Variants in RGS6 observed in about 807,000 individuals in gnomAD.
The protein encoded by RGS6 is regulator of G-protein signaling 6.
RGS6 carries 30 observed loss-of-function variants against 78.5 expected under a neutral mutation model. The ratio of observed to expected loss-of-function variants is 0.38; its 90% CI spans 0.29 to 0.52. The LOEUF is 0.52. Ranked by LOEUF, RGS6 falls within the 20% of genes least tolerant of loss-of-function variation. RGS6 has a pLI of 0.85. For synonymous variants in RGS6, 206 were observed against 206.0 expected (o/e 1.00, Z 0.00); for missense variants, 495 against 609.7 (o/e 0.81, Z 1.98).
chr14:72,341,863 T>C (rs931932953), intron 2 of RGS6, among the ~76,000 whole-genome samples: 8 of 152,110 alleles, frequency 5.3e-5, no homozygotes, highest in Non-Finnish European at 1.2e-4. Flanking sequence ...TGAGTGATCC[T>C]AGAGTCCAGG....
chr14:72,368,566 C>T (rs1221302933), intron 3 of RGS6, among the ~76,000 whole-genome samples: 1 of 152,174 alleles, frequency 6.6e-6, no homozygotes, highest in Admixed American at 6.5e-5. Flanking sequence ...CTTTGGACAA[C>T]TTTGACCTTT....
chr14:72,441,256 C>G (rs537785598), intron 3 of RGS6, among the ~76,000 whole-genome samples: 13 of 152,226 alleles, frequency 8.5e-5, no homozygotes, highest in Admixed American at 5.9e-4. Flanking sequence ...GACCTAGCCT[C>G]CCTCCCTTCA....
At chr14:72,100,229 G>A (rs2095499592) in intron 2 of RGS6, among the ~76,000 whole-genome samples, 2 of 152,170 alleles carry the variant, frequency 1.3e-5, no homozygotes, top group South Asian at 4.1e-4. Flanking sequence ...AAGGGGCTGG[G>A]TGTGGTGGCT....
chr14:72,472,759 A>G (rs1370692921), intron 8 of RGS6, 113 bp from the exon 9 acceptor site: 1 of 722,680 alleles, frequency 1.4e-6, no homozygotes, highest in African/African-American at 1.8e-5. Flanking sequence ...TGCAGGTACC[A>G]ATGGCCTTGT....
At chr14:72,088,173 C>A (rs1038296452) in intron 2 of RGS6, among the ~76,000 whole-genome samples, 1 of 152,186 alleles carries the variant, frequency 6.6e-6, no homozygotes, top group Non-Finnish European at 1.5e-5. Context: ...ACCTGAGCTA[C>A]CTTTGGGGGT....
chr14:72,556,794 C>T (rs1470224928), intron 17 of RGS6, among the ~76,000 whole-genome samples: 1 of 151,992 alleles, frequency 6.6e-6, no homozygotes, highest in Middle Eastern at 3.2e-3. Context: ...ATGAATGTAC[C>T]ATTTATTAAT....
intron 1 of RGS6, among the ~76,000 whole-genome samples, chr14:71,951,336 C>T (rs982507422): frequency 6.6e-6 from 1 of 151,990 alleles, no homozygotes; most frequent in Non-Finnish European, 1.5e-5. Flanking sequence ...TGTTCTCACT[C>T]ATAAGTGGGA....
At chr14:72,324,821 T>A (rs78717064) in intron 2 of RGS6, among the ~76,000 whole-genome samples, 8,288 of 152,170 alleles carry the variant, frequency 0.054, 360 homozygotes, top group East Asian at 0.27. Context: ...AACATACGTG[T>A]GCATGTGTCT....
chr14:72,062,648 G>A (rs528699855), intron 2 of RGS6, among the ~76,000 whole-genome samples: 1 of 152,248 alleles, frequency 6.6e-6, no homozygotes, highest in East Asian at 1.9e-4. Context: ...ATTGACTGAT[G>A]ATGCTATTTT....
chr14:72,396,246 G>T (rs2091233837), intron 3 of RGS6, among the ~76,000 whole-genome samples: 2 of 152,156 alleles, frequency 1.3e-5, no homozygotes, highest in Admixed American at 6.5e-5. Flanking sequence ...GAGATGGATG[G>T]TATCTCATTG....
the RGS6 span, among the ~76,000 whole-genome samples, chr14:71,893,757 G>C: frequency 3.3e-5 from 5 of 152,104 alleles, no homozygotes; most frequent in African/African-American, 1.2e-4. Context: ...TTGGGGTGGT[G>C]TTTTAGCTTT....
intron 2 of RGS6, among the ~76,000 whole-genome samples, chr14:72,015,551 A>G (rs1389234364): frequency 6.6e-6 from 1 of 152,254 alleles, no homozygotes; most frequent in East Asian, 1.9e-4. Context: ...AAATAGTGAT[A>G]CAGTAGTAAC....
At chr14:72,378,547 T>C (rs565972949) in intron 3 of RGS6, among the ~76,000 whole-genome samples, 1 of 151,848 alleles carries the variant, frequency 6.6e-6, no homozygotes, top group Non-Finnish European at 1.5e-5. Context: ...CAAAGGATCG[T>C]TAGAGACTAT....
chr14:72,390,767 A>C (rs977753187), intron 3 of RGS6, among the ~76,000 whole-genome samples: 1 of 152,224 alleles, frequency 6.6e-6, no homozygotes. Flanking sequence ...CACTCGTTTT[A>C]CAAGCAAAGA....
chr14:72,044,149 A>G (rs1258821064), intron 2 of RGS6, among the ~76,000 whole-genome samples: 1 of 152,150 alleles, frequency 6.6e-6, no homozygotes, highest in Admixed American at 6.5e-5. Context: ...CAATTCCTTT[A>G]GATTCTCTCT....
chr14:72,213,508 G>C (rs2153772454), intron 2 of RGS6, among the ~76,000 whole-genome samples: 1 of 152,202 alleles, frequency 6.6e-6, no homozygotes, highest in Non-Finnish European at 1.5e-5. Flanking sequence ...AATTTGATTT[G>C]ACCGCTGTAG....
chr14:72,117,430 C>T (rs1014771095), intron 2 of RGS6, among the ~76,000 whole-genome samples: 1 of 151,710 alleles, frequency 6.6e-6, no homozygotes, highest in Non-Finnish European at 1.5e-5. Flanking sequence ...TGCATTGGCT[C>T]CCCCCCACCC....
chr14:72,271,243 G>A (rs1323833224), intron 2 of RGS6, among the ~76,000 whole-genome samples: 3 of 152,194 alleles, frequency 2.0e-5, no homozygotes, highest in African/African-American at 7.2e-5. Context: ...AGTTCCACAT[G>A]GCTGGGGAGG....
At chr14:72,554,393 A>T (rs1052147738) in intron 17 of RGS6, among the ~76,000 whole-genome samples, 5 of 152,254 alleles carry the variant, frequency 3.3e-5, no homozygotes, top group Admixed American at 6.5e-5. Context: ...TCAAGTAACT[A>T]AATTCCAGCT....
Sources: allele counts gnomAD v4.1 joint callset (sites outside exome capture counted in the v4.1 genomes callset), GRCh38; gene constraint gnomAD v4.1.1; transcripts MANE v1.5; gene names NCBI Gene and HGNC (gene_info 2026-07-23, HGNC 2026-07-21).